The following GNG2 variants were observed in gnomAD, a reference collection of about 807,000 sequenced individuals.
GNG2 encodes the protein guanine nucleotide-binding protein G(I)/G(S)/G(O) subunit gamma-2.
GNG2 carries 5 observed loss-of-function variants against 5.5 expected under a neutral mutation model. That is an observed-to-expected ratio of 0.91 (90% CI 0.48 to 1.92). The LOEUF is 1.92. Ranked by LOEUF, GNG2 falls within the 30% of genes most tolerant of loss-of-function variation. The pLI, the probability that GNG2 is intolerant of heterozygous loss-of-function variation, is 0.01. For synonymous variants in GNG2, 28 were observed against 32.0 expected, an observed-to-expected ratio of 0.88 and a Z score of 0.42; for missense variants, 55 against 88.4, an observed-to-expected ratio of 0.62 and a Z score of 1.52.
chr14:51,922,431 C>G (rs1396983827), intron 2 of GNG2, among the ~76,000 whole-genome samples: 1 of 152,134 alleles, frequency 6.6e-6, no homozygotes, highest in East Asian at 1.9e-4. Context: ...GGATGACTCC[C>G]TCTTTTGGGG....
rs34240079 is a variant in GNG2, at chr14:51,906,757, C to CTTTTTTTTTTTTTTTTTT, written c.-30+29116_-30+29117insTTTTTTTTTTTTTTTTTT. Among the ~76,000 whole-genome samples, 28 of 105,296 alleles carry CTTTTTTTTTTTTTTTTTT rather than the reference C, an allele frequency of 2.7e-4. 2 individuals carry two copies. The highest frequency in any genetic ancestry group is 3.7e-4 in the African/African-American group (10 of 27,050). 69.1% of individuals were successfully genotyped at this position (105,296 alleles called of 152,430 possible). On this transcript the variant is annotated intron_variant, in intron 2 of 3. Coordinates refer to ENST00000556766, the MANE Select transcript of GNG2 (RefSeq NM_053064.5). ...TTGCATGCAGCCTGCTGGAGAATCT[C>CTTTTTTTTTTTTTTTTTT]TTTTTTTTTTTTTTTTGAGACGGAG...
intron 2 of GNG2, among the ~76,000 whole-genome samples, chr14:51,849,898 C>A (rs1352766454): frequency 6.8e-6 from 1 of 147,156 alleles, no homozygotes; most frequent in East Asian, 2.0e-4. Flanking sequence ...CAGCCTCTAT[C>A]TTTTGGGCTC....
intron 3 of GNG2, chr14:51,952,133 G>A: frequency 1.8e-6 from 1 of 554,416 alleles, no homozygotes; most frequent in Non-Finnish European, 3.2e-6. Flanking sequence ...GTCTCATCAG[G>A]TATGTGCTAG....
chr14:51,867,299 C>T (rs1031861906), intron 1 of GNG2, among the ~76,000 whole-genome samples: 9 of 152,172 alleles, frequency 5.9e-5, no homozygotes, highest in Non-Finnish European at 5.9e-5. Flanking sequence ...TCATTCACCT[C>T]CTCTCTCAGC....
At chr14:51,888,870 G>A (rs568964831) in intron 2 of GNG2, among the ~76,000 whole-genome samples, 11 of 152,202 alleles carry the variant, frequency 7.2e-5, no homozygotes, top group African/African-American at 2.4e-4. Context: ...TCTATACAAT[G>A]GATTATTCAG....
At chr14:51,947,941 A>G (rs1888735787) in intron 2 of GNG2, among the ~76,000 whole-genome samples, 1 of 152,188 alleles carries the variant, frequency 6.6e-6, no homozygotes, top group South Asian at 2.1e-4. Context: ...ATCAAAGGTA[A>G]CCATCTCACA....
chr14:51,893,461 A>C (rs952707872), intron 2 of GNG2, among the ~76,000 whole-genome samples: 10 of 152,190 alleles, frequency 6.6e-5, no homozygotes, highest in Non-Finnish European at 1.5e-5. Context: ...CAATTTATAC[A>C]GAATCCTTAG....
intron 1 of GNG2, among the ~76,000 whole-genome samples, chr14:51,868,913 A>G (rs1399645814): frequency 6.6e-6 from 1 of 152,230 alleles, no homozygotes; most frequent in East Asian, 1.9e-4. Context: ...CACTGCAATC[A>G]GCACTACACT....
chr14:51,929,942 T>C (rs916044578), intron 2 of GNG2, among the ~76,000 whole-genome samples: 1 of 152,056 alleles, frequency 6.6e-6, no homozygotes, highest in Non-Finnish European at 1.5e-5. Flanking sequence ...CAAAAGAAAA[T>C]ATATCACCTT....
At chr14:51,947,778 G>A (rs893646663) in intron 2 of GNG2, among the ~76,000 whole-genome samples, 1 of 152,138 alleles carries the variant, frequency 6.6e-6, no homozygotes, top group Admixed American at 6.5e-5. Flanking sequence ...TTTTCCCAGG[G>A]AGCATGAAAA....
intron 2 of GNG2, among the ~76,000 whole-genome samples, chr14:51,898,298 G>A (rs1255238077): frequency 1.3e-5 from 2 of 152,128 alleles, no homozygotes; most frequent in African/African-American, 4.8e-5. Context: ...TGAATGACTT[G>A]CAAGAACAAT....
At chr14:51,834,974 A>G (rs1881292772) in intron 2 of GNG2, among the ~76,000 whole-genome samples, 2 of 152,214 alleles carry the variant, frequency 1.3e-5, no homozygotes, top group African/African-American at 4.8e-5. Flanking sequence ...AAAAGAGCCG[A>G]GGGCTCTAAA....
intron 2 of GNG2, among the ~76,000 whole-genome samples, chr14:51,888,569 C>T (rs1359810063): frequency 6.6e-6 from 1 of 152,138 alleles, no homozygotes; most frequent in Non-Finnish European, 1.5e-5. Context: ...ATCTTCCTAC[C>T]TCAGCCTCAA....
chr14:51,933,711 C>T (rs1887797173), intron 2 of GNG2, among the ~76,000 whole-genome samples: 2 of 152,116 alleles, frequency 1.3e-5, no homozygotes, highest in Non-Finnish European at 2.9e-5. Context: ...GTTCATTTAC[C>T]ACAAGGGAAG....
At chr14:51,907,173 G>C (rs955548912) in intron 2 of GNG2, among the ~76,000 whole-genome samples, 2 of 152,146 alleles carry the variant, frequency 1.3e-5, no homozygotes, top group African/African-American at 4.8e-5. Flanking sequence ...TCCTTGGACC[G>C]AGCTAGCAAT....
intron 2 of GNG2, among the ~76,000 whole-genome samples, chr14:51,945,408 T>C (rs181137668): frequency 4.9e-4 from 75 of 152,328 alleles, no homozygotes; most frequent in Admixed American, 3.3e-3. Flanking sequence ...AGAGACATTA[T>C]GCTAAGTGAA....
intron 2 of GNG2, among the ~76,000 whole-genome samples, chr14:51,904,482 A>C (rs966226438): frequency 3.9e-5 from 6 of 152,200 alleles, no homozygotes; most frequent in African/African-American, 1.4e-4. Flanking sequence ...GGGGTTACTC[A>C]GAGCACCATA....
intron 1 of GNG2, among the ~76,000 whole-genome samples, chr14:51,826,580 G>A (rs1881035603): frequency 6.6e-6 from 1 of 152,206 alleles, no homozygotes; most frequent in South Asian, 2.1e-4. Flanking sequence ...GCTGAGTGCA[G>A]TGATGTGGGT....
chr14:51,828,290 A>G (rs1426194801), intron 2 of GNG2, among the ~76,000 whole-genome samples: 3 of 152,316 alleles, frequency 2.0e-5, no homozygotes, highest in African/African-American at 7.2e-5. Flanking sequence ...GCTTTCACAC[A>G]GTAGGGAAGT....
Sources: gnomAD v4.1 joint callset for allele counts (sites outside exome capture counted in the v4.1 genomes callset) on GRCh38, gnomAD v4.1.1 for gene constraint, MANE v1.5 for transcripts, NCBI Gene and HGNC (gene_info 2026-07-23, HGNC 2026-07-21) for gene names.